Variants in PIAS1 observed in about 807,000 individuals in gnomAD.
The protein encoded by PIAS1 is protein inhibitor of activated STAT 1, also known as E3 SUMO-protein ligase PIAS1.
PIAS1 carries 6 observed loss-of-function variants against 71.3 expected under a neutral mutation model. The ratio of observed to expected loss-of-function variants is 0.08; its 90% CI spans 0.05 to 0.17. The LOEUF (loss-of-function observed/expected upper bound fraction) is 0.17, where lower values mean the gene tolerates loss of function less well. PIAS1 is among the 10% of genes least tolerant of loss of function. The probability of loss-of-function intolerance (pLI) is 1.00; values close to 1 mark genes in which losing one functional copy is unlikely to be tolerated. For missense variants in PIAS1, 555 were observed against 793.6 expected, an observed-to-expected ratio of 0.70 and a Z score of 3.61; for synonymous variants, 303 against 292.9, an observed-to-expected ratio of 1.03 and a Z score of -0.35.
chr15:68,120,792 T>A (rs1269279836), intron 2 of PIAS1, among the ~76,000 whole-genome samples: 1 of 152,078 alleles, frequency 6.6e-6, no homozygotes, highest in African/African-American at 2.4e-5. Context: ...GTAGCTGGGA[T>A]TACAGGCACC....
chr15:68,131,971 G>A (rs1214711776), intron 2 of PIAS1, among the ~76,000 whole-genome samples: 2 of 150,940 alleles, frequency 1.3e-5, no homozygotes, highest in African/African-American at 2.4e-5. Flanking sequence ...GGGAAGCCAA[G>A]GCAAGTGGAT....
intron 13 of PIAS1, chr15:68,184,783 T>C (rs959154072): frequency 1.3e-5 from 2 of 153,398 alleles, no homozygotes; most frequent in African/African-American, 2.4e-5. Flanking sequence ...AAGTCAATGC[T>C]AGATTTCAAG....
At position 68,186,143 on chromosome 15, in the gene PIAS1, G is replaced by A. The variant is rs1452479314; in HGVS notation, c.1663-1399G>A. Among the ~76,000 whole-genome samples the A allele has an allele frequency of 6.6e-6, 1 of 152,102 alleles. No individual in the cohort carries two copies. The highest frequency in any genetic ancestry group is 1.9e-4 in the East Asian group (1 of 5,184). On this transcript the variant is annotated intron_variant, in intron 13 of 13. Coordinates refer to ENST00000249636, the MANE Select transcript of PIAS1 (RefSeq NM_016166.3). The surrounding 1 kb of genome is among the most constrained non-coding windows in gnomAD (Gnocchi z 4.4). The stretch of plus-strand genomic sequence containing the variant: ...GACACCTCCTTAAGAAGAGCCTCAG[G>A]CAGGTCCTTCAGTGGGTGTTCCAGA...
chr15:68,168,465 C>T (rs1299351684), intron 8 of PIAS1, among the ~76,000 whole-genome samples: 5 of 152,122 alleles, frequency 3.3e-5, no homozygotes, highest in Admixed American at 3.3e-4. Context: ...ATAGATAGCA[C>T]TATTATTGTA....
Position 68,069,573 on chromosome 15 carries a change from C to T in PIAS1, c.24+15223C>T, listed in dbSNP as rs375342124. 3.3e-5 allele frequency among the ~76,000 whole-genome samples: 5 copies of T among 152,166 alleles called. No homozygotes were observed. The East Asian group carries it at 5.8e-4, about 18-fold the overall frequency. ...ATCCCAGCACTTTGGGAGGCTGAGGCGGGCGGATGACAAGGTCAGGAGATC... is the reference window on the plus strand; with the variant it reads ...ATCCCAGCACTTTGGGAGGCTGAGGTGGGCGGATGACAAGGTCAGGAGATC... On this transcript the variant is annotated intron_variant, in intron 1 of 13. Coordinates refer to ENST00000249636, the MANE Select transcript of PIAS1 (RefSeq NM_016166.3).
intron 2 of PIAS1, among the ~76,000 whole-genome samples, chr15:68,123,363 T>A (rs1184178432): frequency 6.6e-6 from 1 of 152,212 alleles, no homozygotes; most frequent in East Asian, 1.9e-4. Context: ...AAAATTCTTA[T>A]ATGCAATTCT....
Position 68,178,696 on chromosome 15 carries a change from G to A in PIAS1, c.1481+2042G>A, listed in dbSNP as rs1035684834. Among the ~76,000 whole-genome samples, 9 of 151,780 alleles carry A rather than the reference G, an allele frequency of 5.9e-5. No homozygotes were observed. The highest frequency in any genetic ancestry group is 1.2e-4 in the Non-Finnish European group (8 of 67,962). The stretch of plus-strand genomic sequence containing the variant: ...AACCTCTGGATATATAAATACTTTT[G>A]GGCTAAATGCATCATAATATATATA... On this transcript the variant is annotated intron_variant, in intron 11 of 13. Transcript: ENST00000249636. This position sits in a 1 kb window ranked among gnomAD's most constrained non-coding sequence, Gnocchi z 4.2.
At position 68,166,658 on chromosome 15, in the gene PIAS1, A is replaced by G. The variant is rs1281026476; in HGVS notation, c.1008+1854A>G. 2.0e-5 allele frequency among the ~76,000 whole-genome samples: 3 copies of G among 152,210 alleles called. No individual in the cohort carries two copies. The East Asian group carries it at 5.8e-4, about 29-fold the overall frequency. ...AAAGTGTTTATAGTTGTACTAATATATATGATGCTTTATGTTTAACACATA... is the reference window on the plus strand; with the variant it reads ...AAAGTGTTTATAGTTGTACTAATATGTATGATGCTTTATGTTTAACACATA... On this transcript the variant is annotated intron_variant, in intron 8 of 13. Transcript: ENST00000249636.
intron 2 of PIAS1, among the ~76,000 whole-genome samples, chr15:68,097,106 C>T (rs1478781027): frequency 2.6e-5 from 4 of 152,068 alleles, no homozygotes; most frequent in African/African-American, 9.7e-5. Flanking sequence ...TGTTTTTTAT[C>T]ATGAAATGTT....
chr15:68,181,405 A>T, intron 12 of PIAS1, 51 bp downstream of exon 12: 1 of 1,556,652 alleles, frequency 6.4e-7, no homozygotes, highest in Non-Finnish European at 8.8e-7. Context: ...AATGCCTTTG[A>T]TCTATATAAT....
At chr15:68,135,749 G>A (rs867974184) in intron 2 of PIAS1, among the ~76,000 whole-genome samples, 3,148 of 39,518 alleles carry the variant, frequency 0.08, 579 homozygotes, top group Non-Finnish European at 0.1. Flanking sequence ...GCTGCCGGGC[G>A]TAGGGGCTCC....
At chr15:68,073,036 G>A (rs2092117216) in intron 1 of PIAS1, among the ~76,000 whole-genome samples, 1 of 151,980 alleles carries the variant, frequency 6.6e-6, no homozygotes, top group African/African-American at 2.4e-5. Flanking sequence ...ATTTTTTTGA[G>A]ATGGAGTCTT....
intron 2 of PIAS1, among the ~76,000 whole-genome samples, chr15:68,088,176 G>GTATGTATATA (rs1555424823): frequency 2.7e-5 from 2 of 72,998 alleles, no homozygotes; most frequent in African/African-American, 1.2e-4. Context: ...TTATGTGTGT[G>GTATGTATATA]TATATATATA....
chr15:68,104,370 A>T (rs929875567), intron 2 of PIAS1, among the ~76,000 whole-genome samples: 1 of 152,016 alleles, frequency 6.6e-6, no homozygotes, highest in Non-Finnish European at 1.5e-5. Context: ...TCTGCCTTCT[A>T]TTTCTGTAGG....
chr15:68,078,517 A>T (rs772437828), intron 1 of PIAS1, among the ~76,000 whole-genome samples: 13 of 152,146 alleles, frequency 8.5e-5, no homozygotes, highest in Non-Finnish European at 1.8e-4. Context: ...GTTATACTGT[A>T]TAAATTCCTT....
chr15:68,102,713 T>C (rs1448982975), intron 2 of PIAS1, among the ~76,000 whole-genome samples: 2 of 152,218 alleles, frequency 1.3e-5, no homozygotes, highest in East Asian at 3.8e-4. Context: ...TGATTATATC[T>C]TGTGACCTTG....
Position 68,146,715 on chromosome 15 carries a change from G to C in PIAS1, c.828+15G>C. The C allele has an allele frequency of 1.9e-6, 3 of 1,595,444 alleles. No individual in the cohort carries two copies. The highest frequency in any genetic ancestry group is 2.6e-6 in the Non-Finnish European group (3 of 1,167,792). ...AAATTGGAAGAGTAAGTAAATTTTT[G>C]TTTCTACCAGATTTTTGTATTATAA... On this transcript the variant is annotated intron_variant, in intron 6 of 13. Transcript: ENST00000249636.
At chr15:68,059,709 CAAA>C (rs770069635) in intron 1 of PIAS1, among the ~76,000 whole-genome samples, 5 of 76,466 alleles carry the variant, frequency 6.5e-5, no homozygotes, top group Admixed American at 1.5e-4. Flanking sequence ...CCGTCTCAAA[CAAA>C]AAAAAAAAAA....
chr15:68,082,457 T>C (rs985339348), intron 1 of PIAS1, among the ~76,000 whole-genome samples: 1 of 152,148 alleles, frequency 6.6e-6, no homozygotes, highest in Non-Finnish European at 1.5e-5. Flanking sequence ...AGAAGAAAGT[T>C]AATACTTTTA....
Sources: gnomAD v4.1 joint callset for allele counts (sites outside exome capture counted in the v4.1 genomes callset) on GRCh38, gnomAD v4.1.1 for gene constraint, Gnocchi (gnomAD v3.1) non-coding constraint, MANE v1.5 for transcripts, NCBI Gene and HGNC (gene_info 2026-07-23, HGNC 2026-07-21) for gene names.